MACROD2: variants seen among roughly 807,000 people sequenced by gnomAD.
MACROD2 encodes mono-ADP ribosylhydrolase 2, also known as ADP-ribose glycohydrolase MACROD2.
In MACROD2, 36 loss-of-function variants were observed where a neutral mutation model predicts 70.4. The observed-to-expected ratio is 0.51, with a 90% CI of 0.39 to 0.68. The LOEUF (loss-of-function observed/expected upper bound fraction) is 0.68. Among genes scored for constraint, MACROD2 ranks in the 30% least tolerant of loss-of-function variants. MACROD2 has a pLI of 0.00. For synonymous variants in MACROD2, 172 were observed against 178.8 expected (o/e 0.96, Z 0.30); for missense variants, 496 against 538.4 (o/e 0.92, Z 0.78).
intron 2 of MACROD2, among the ~76,000 whole-genome samples, chr20:14,038,040 A>T (rs1213754441): frequency 6.6e-6 from 1 of 152,298 alleles, no homozygotes; most frequent in East Asian, 1.9e-4. Flanking sequence ...CACGCCTATT[A>T]TCCCAGCACT....
At chr20:14,738,621 A>G (rs564444486) in intron 5 of MACROD2, among the ~76,000 whole-genome samples, 1 of 152,212 alleles carries the variant, frequency 6.6e-6, no homozygotes, top group East Asian at 1.9e-4. Context: ...GCACGCATAC[A>G]TGAATAAATG....
intron 5 of MACROD2, among the ~76,000 whole-genome samples, chr20:15,090,960 C>A (rs2075788281): frequency 6.6e-6 from 1 of 151,978 alleles, no homozygotes; most frequent in African/African-American, 2.4e-5. Context: ...TCAATGGAGT[C>A]CACCTAGACC....
intron 2 of MACROD2, among the ~76,000 whole-genome samples, chr20:14,050,947 G>A (rs1189697744): frequency 1.3e-5 from 2 of 152,086 alleles, no homozygotes; most frequent in African/African-American, 2.4e-5. Flanking sequence ...ACAGGAGGAG[G>A]GGAGAAAAGA....
intron 3 of MACROD2, among the ~76,000 whole-genome samples, chr20:14,149,353 A>G (rs1261510447): frequency 6.6e-6 from 1 of 152,166 alleles, no homozygotes; most frequent in Non-Finnish European, 1.5e-5. Flanking sequence ...ATGGACACAC[A>G]GTATTCCATG....
intron 3 of MACROD2, among the ~76,000 whole-genome samples, chr20:14,200,405 G>A (rs2081469584): frequency 6.6e-6 from 1 of 152,160 alleles, no homozygotes; most frequent in South Asian, 2.1e-4. Flanking sequence ...GGATGAGGGA[G>A]AGGATCAGGA....
intron 3 of MACROD2, among the ~76,000 whole-genome samples, chr20:14,385,260 C>A (rs927829626): frequency 6.6e-6 from 1 of 151,950 alleles, no homozygotes; most frequent in Non-Finnish European, 1.5e-5. Flanking sequence ...TAAAATGATA[C>A]ACTATTATTT....
intron 9 of MACROD2, among the ~76,000 whole-genome samples, chr20:15,874,217 C>T (rs1174697556): frequency 2.0e-5 from 3 of 151,908 alleles, no homozygotes; most frequent in Non-Finnish European, 2.9e-5. Flanking sequence ...TTTTCAGCTT[C>T]ATCCATGTCC....
chr20:15,835,727 T>A (rs1340266046), intron 8 of MACROD2, among the ~76,000 whole-genome samples: 1 of 152,186 alleles, frequency 6.6e-6, no homozygotes, highest in Non-Finnish European at 1.5e-5. Flanking sequence ...GCAGTTAATT[T>A]GTCCAAAGTC....
intron 5 of MACROD2, among the ~76,000 whole-genome samples, chr20:15,070,912 A>G (rs1211953206): frequency 2.5e-5 from 3 of 119,272 alleles, no homozygotes; most frequent in South Asian, 2.3e-4. Flanking sequence ...TTGTTTTTGG[A>G]AAAAAAAAAA....
At chr20:15,835,481 A>G (rs1303794557) in intron 8 of MACROD2, among the ~76,000 whole-genome samples, 1 of 152,092 alleles carries the variant, frequency 6.6e-6, no homozygotes, top group African/African-American at 2.4e-5. Flanking sequence ...TAACTATTAT[A>G]TTATTCATTC....
chr20:15,306,112 A>G (rs1341841461), intron 6 of MACROD2, among the ~76,000 whole-genome samples: 2 of 152,104 alleles, frequency 1.3e-5, no homozygotes, highest in Non-Finnish European at 2.9e-5. Context: ...TTCCAATTTA[A>G]TGATCAGTTT....
chr20:15,075,536 T>C (rs1416589998), intron 5 of MACROD2, among the ~76,000 whole-genome samples: 1 of 152,046 alleles, frequency 6.6e-6, no homozygotes, highest in African/African-American at 2.4e-5. Context: ...CTCTGAGGGG[T>C]GTAAGCACCC....
intron 5 of MACROD2, among the ~76,000 whole-genome samples, chr20:14,898,161 A>T (rs753051640): frequency 1.4e-4 from 22 of 152,184 alleles, no homozygotes; most frequent in Non-Finnish European, 3.1e-4. Flanking sequence ...AAAAGATAAA[A>T]ATATTATCAT....
At chr20:15,403,442 CGAG>C (rs1318548233) in intron 6 of MACROD2, among the ~76,000 whole-genome samples, 3 of 134,780 alleles carry the variant, frequency 2.2e-5, no homozygotes, top group Non-Finnish European at 3.3e-5. Context: ...AGGAGGAGGA[CGAG>C]GAGGAGGAGG....
chr20:14,789,085 A>G (rs908080824), intron 5 of MACROD2, among the ~76,000 whole-genome samples: 2 of 151,942 alleles, frequency 1.3e-5, no homozygotes, highest in Non-Finnish European at 2.9e-5. Context: ...TTATTTTTAA[A>G]AGGTATCCTT....
chr20:14,596,333 T>G (rs1417606066), intron 4 of MACROD2, among the ~76,000 whole-genome samples: 1 of 150,466 alleles, frequency 6.6e-6, no homozygotes, highest in Non-Finnish European at 1.5e-5. Context: ...CTTGTGATCC[T>G]CCCGCCTCGG....
intron 3 of MACROD2, among the ~76,000 whole-genome samples, chr20:14,343,939 A>G (rs1202951360): frequency 6.6e-6 from 1 of 152,110 alleles, no homozygotes; most frequent in Non-Finnish European, 1.5e-5. Context: ...TTGTTTCACT[A>G]TTTCTGGAGT....
chr20:15,494,398 T>C (rs2047268176), intron 7 of MACROD2, among the ~76,000 whole-genome samples: 1 of 152,124 alleles, frequency 6.6e-6, no homozygotes, highest in Admixed American at 6.5e-5. Context: ...GCTTTATTCA[T>C]ATTAGTGTCA....
At chr20:15,740,815 C>G (rs1391331245) in intron 8 of MACROD2, among the ~76,000 whole-genome samples, 1 of 151,880 alleles carries the variant, frequency 6.6e-6, no homozygotes, top group Admixed American at 6.6e-5. Context: ...TATCCAGTAA[C>G]CAGTTAATCA....
Sources: gnomAD v4.1 joint callset for allele counts (sites outside exome capture counted in the v4.1 genomes callset) on GRCh38, gnomAD v4.1.1 for gene constraint, MANE v1.5 for transcripts, NCBI Gene and HGNC (gene_info 2026-07-23, HGNC 2026-07-21) for gene names.